Variants in PTPRN2 observed in about 807,000 individuals in gnomAD.
PTPRN2 encodes protein tyrosine phosphatase receptor type N2, also known as receptor-type tyrosine-protein phosphatase N2.
Under a neutral mutation model 118.8 loss-of-function variants are expected in PTPRN2, and 74 were observed. That is an observed-to-expected ratio of 0.62 (90% CI 0.52 to 0.76). The LOEUF (loss-of-function observed/expected upper bound fraction) is 0.76. Ranked by LOEUF, PTPRN2 falls within the 30% of genes least tolerant of loss-of-function variation. PTPRN2 has a pLI of 0.00. For synonymous variants in PTPRN2, 641 were observed against 608.0 expected, an observed-to-expected ratio of 1.05 and a Z score of -0.80; for missense variants, 1,481 against 1,394.4, an observed-to-expected ratio of 1.06 and a Z score of -0.99.
At position 157,977,128 on chromosome 7, in the gene PTPRN2, T is replaced by C. The variant is rs557658595; in HGVS notation, c.1724-78391A>G. Among the ~76,000 whole-genome samples, 1 of 152,054 alleles carries C rather than the reference T, an allele frequency of 6.6e-6. No individual in the cohort carries two copies. Among genetic ancestry groups the C allele is most frequent in the African/African-American group, 2.4e-5 (1 of 41,542 alleles). On this transcript the variant is annotated intron_variant, in intron 11 of 22. Coordinates refer to ENST00000389418, the MANE Select transcript of PTPRN2 (RefSeq NM_002847.5). This position sits in a 1 kb window ranked among gnomAD's most constrained non-coding sequence, Gnocchi z 4.6. ...AGCTAATAGTCCATGAATCTAATAA[T>C]TAGTTAACTGATTAACGAAATGCAT... is the stretch of plus-strand genomic sequence containing the variant.
chr7:158,250,967 CA>C (rs1289466448), intron 3 of PTPRN2, among the ~76,000 whole-genome samples: 1 of 151,600 alleles, frequency 6.6e-6, no homozygotes, highest in African/African-American at 2.4e-5. Context: ...GTGAGATGAG[CA>C]CATTTTTACT....
In PTPRN2 at chr7:157,845,479, C is replaced by T. The variant is rs187455200; in HGVS notation, c.1788+53194G>A. Among the ~76,000 whole-genome samples the T allele has an allele frequency of 7.9e-5, 12 of 152,170 alleles. No individual in the cohort carries two copies. In the East Asian group the frequency reaches 1.2e-3, roughly 15 times the overall value. On this transcript the variant is annotated intron_variant, in intron 12 of 22. Transcript: ENST00000389418. The surrounding 1 kb of genome is among the most constrained non-coding windows in gnomAD (Gnocchi z 4.5). ...CACACAGCCTAACTCACCATGTTCC[C>T]GACCACACCCTGGTGAACCACGCAG...
At chr7:158,480,851 C>T (rs1820595350) in intron 2 of PTPRN2, among the ~76,000 whole-genome samples, 1 of 152,210 alleles carries the variant, frequency 6.6e-6, no homozygotes, top group Non-Finnish European at 1.5e-5. Flanking sequence ...AACTCTGAAG[C>T]TCGCAGAGGT....
At chr7:157,678,999 T>C (rs1796795576) in intron 13 of PTPRN2, among the ~76,000 whole-genome samples, 1 of 152,074 alleles carries the variant, frequency 6.6e-6, no homozygotes, top group Non-Finnish European at 1.5e-5. Flanking sequence ...ATAGGACACC[T>C]ACATGAAAAA....
intron 11 of PTPRN2, among the ~76,000 whole-genome samples, chr7:157,999,829 C>T (rs1805079301): frequency 6.6e-6 from 1 of 152,084 alleles, no homozygotes; most frequent in African/African-American, 2.4e-5. Flanking sequence ...CACTTGATCT[C>T]AGATGTTTAC....
At chr7:157,626,963 T>G (rs1310962507) in intron 14 of PTPRN2, among the ~76,000 whole-genome samples, 1 of 152,232 alleles carries the variant, frequency 6.6e-6, no homozygotes, top group African/African-American at 2.4e-5. Flanking sequence ...AGGTGTCAGC[T>G]CATTGAGTGT....
chr7:158,250,337 C>A (rs2150890435), intron 3 of PTPRN2, among the ~76,000 whole-genome samples: 1 of 152,152 alleles, frequency 6.6e-6, no homozygotes, highest in South Asian at 2.1e-4. Flanking sequence ...CTTTCTAATG[C>A]ATATAGGTTA....
chr7:157,804,878 T>C (rs2151103278), intron 12 of PTPRN2, among the ~76,000 whole-genome samples: 1 of 152,330 alleles, frequency 6.6e-6, no homozygotes, highest in East Asian at 1.9e-4. Context: ...GAGAGAAGGC[T>C]GGTTTTATCC....
intron 14 of PTPRN2, among the ~76,000 whole-genome samples, chr7:157,653,646 C>G (rs1438933431): frequency 1.3e-5 from 2 of 152,120 alleles, no homozygotes; most frequent in Admixed American, 1.3e-4. Flanking sequence ...GGGACATGCC[C>G]ACCAGGAGAC....
At chr7:158,283,221 C>T (rs1218290223) in intron 3 of PTPRN2, among the ~76,000 whole-genome samples, 1 of 152,246 alleles carries the variant, frequency 6.6e-6, no homozygotes, top group Non-Finnish European at 1.5e-5. Flanking sequence ...CAAGCAAGTA[C>T]TTCAGTCAGG....
At chr7:157,738,058 T>C (rs576723134) in intron 12 of PTPRN2, among the ~76,000 whole-genome samples, 1 of 152,224 alleles carries the variant, frequency 6.6e-6, no homozygotes, top group Non-Finnish European at 1.5e-5. Flanking sequence ...AGCTGTTATT[T>C]TGAAATTATA....
intron 13 of PTPRN2, among the ~76,000 whole-genome samples, chr7:157,659,279 G>C (rs1040334577): frequency 6.9e-6 from 1 of 144,906 alleles, no homozygotes; most frequent in Admixed American, 6.9e-5. Flanking sequence ...GGATGACCGC[G>C]GGGACTGGGA....
At chr7:157,996,622 TG>T (rs140582918) in intron 11 of PTPRN2, among the ~76,000 whole-genome samples, 1,620 of 152,322 alleles carry the variant, frequency 0.011, 29 homozygotes, top group African/African-American at 0.036. Flanking sequence ...GGGTTTGCTC[TG>T]GCTGGTGTGG....
chr7:157,883,309 T>C (rs1796259365), intron 12 of PTPRN2, among the ~76,000 whole-genome samples: 1 of 148,292 alleles, frequency 6.7e-6, no homozygotes, highest in African/African-American at 2.5e-5. Flanking sequence ...AAAATGATTG[T>C]TGGAGATCAG....
chr7:158,394,097 C>G (rs1812146609), intron 2 of PTPRN2, among the ~76,000 whole-genome samples: 1 of 150,474 alleles, frequency 6.6e-6, no homozygotes, highest in African/African-American at 2.5e-5. Flanking sequence ...CTGGACCCTT[C>G]TCTCCCACAG....
At chr7:157,704,135 T>A (rs1798213406) in intron 12 of PTPRN2, among the ~76,000 whole-genome samples, 1 of 152,172 alleles carries the variant, frequency 6.6e-6, no homozygotes, top group East Asian at 1.9e-4. Flanking sequence ...ACTGCCATGG[T>A]TTAGAGGAAG....
At chr7:157,956,425 T>C (rs1315831973) in intron 11 of PTPRN2, among the ~76,000 whole-genome samples, 1 of 152,228 alleles carries the variant, frequency 6.6e-6, no homozygotes, top group Non-Finnish European at 1.5e-5. Context: ...AGTCTGTGAC[T>C]CTACCAGAAG....
At chr7:157,582,976 TAGACCCAAAGGAAATAAAATC>T (rs1800478149) in intron 17 of PTPRN2, among the ~76,000 whole-genome samples, 1 of 151,968 alleles carries the variant, frequency 6.6e-6, no homozygotes, top group East Asian at 1.9e-4. Flanking sequence ...CTTCTGGGTA[TAGACCCAAAGGAAATAAAATC>T]AGTGTGTGGA....
chr7:157,769,455 G>A (rs571747838), intron 12 of PTPRN2, among the ~76,000 whole-genome samples: 7 of 152,152 alleles, frequency 4.6e-5, no homozygotes, highest in Non-Finnish European at 1.0e-4. Flanking sequence ...GGTTGACTAA[G>A]CACCTATGGA....
Sources: gnomAD v4.1 joint callset for allele counts (sites outside exome capture counted in the v4.1 genomes callset) on GRCh38, gnomAD v4.1.1 for gene constraint, Gnocchi (gnomAD v3.1) non-coding constraint, MANE v1.5 for transcripts, NCBI Gene and HGNC (gene_info 2026-07-23, HGNC 2026-07-21) for gene names.